The following GLIS3 variants were observed in gnomAD, a reference collection of about 807,000 sequenced individuals.
GLIS3 encodes GLIS family zinc finger 3.
In GLIS3, 53 loss-of-function variants were observed where a neutral mutation model predicts 78.6. That is an observed-to-expected ratio of 0.67 (90% CI 0.54 to 0.85). The LOEUF (loss-of-function observed/expected upper bound fraction) is 0.85. Among genes scored for constraint, GLIS3 ranks in the 40% least tolerant of loss-of-function variants. The pLI, the probability that GLIS3 is intolerant of heterozygous loss-of-function variation, is 0.00. For missense variants in GLIS3, 1,703 were observed against 1,231.1 expected, an observed-to-expected ratio of 1.38 and a Z score of -5.74; for synonymous variants, 684 against 509.9, an observed-to-expected ratio of 1.34 and a Z score of -4.60.
At chr9:4,431,045 C>G in the GLIS3 span, among the ~76,000 whole-genome samples, 1 of 152,220 alleles carries the variant, frequency 6.6e-6, no homozygotes, top group Non-Finnish European at 1.5e-5. Flanking sequence ...TCAGTTGAAT[C>G]CCAACCAAGT....
the GLIS3 span, among the ~76,000 whole-genome samples, chr9:4,402,666 A>C: frequency 2.0e-5 from 3 of 152,236 alleles, no homozygotes; most frequent in African/African-American, 7.2e-5. Context: ...CTAGAGTTGG[A>C]AAATGCAATT....
At chr9:4,485,738 C>T in the GLIS3 span, among the ~76,000 whole-genome samples, 19 of 139,578 alleles carry the variant, frequency 1.4e-4, no homozygotes, top group African/African-American at 3.0e-4. Flanking sequence ...TTTTTTGAGA[C>T]GGAGTTTTGT....
intron 2 of GLIS3, among the ~76,000 whole-genome samples, chr9:4,224,394 A>G (rs1821586613): frequency 6.6e-6 from 1 of 152,192 alleles, no homozygotes; most frequent in African/African-American, 2.4e-5. Flanking sequence ...AGGTGTATGA[A>G]TGTTTACCAT....
At chr9:3,832,203 TATATA>T (rs1818087323) in intron 9 of GLIS3, among the ~76,000 whole-genome samples, 1 of 149,524 alleles carries the variant, frequency 6.7e-6, no homozygotes, top group Admixed American at 6.7e-5. Context: ...AATTAGCATT[TATATA>T]ATATATAATT....
intron 7 of GLIS3, among the ~76,000 whole-genome samples, chr9:3,882,751 AGG>A (rs1455339156): frequency 6.6e-6 from 1 of 152,186 alleles, no homozygotes; most frequent in African/African-American, 2.4e-5. Flanking sequence ...AGAACAAGAA[AGG>A]GAGGGCTTTA....
chr9:3,838,044 A>G (rs1818463092), intron 9 of GLIS3, among the ~76,000 whole-genome samples: 1 of 152,006 alleles, frequency 6.6e-6, no homozygotes, highest in South Asian at 2.1e-4. Flanking sequence ...TTTCCACTAC[A>G]TTTTTCTGTG....
intron 4 of GLIS3, among the ~76,000 whole-genome samples, chr9:4,096,857 C>T (rs1345132565): frequency 6.6e-6 from 1 of 152,000 alleles, no homozygotes; most frequent in East Asian, 1.9e-4. Context: ...ACTAAAAATA[C>T]AGAAATTAAC....
chr9:4,072,846 T>A (rs145056391), intron 4 of GLIS3, among the ~76,000 whole-genome samples: 2 of 152,280 alleles, frequency 1.3e-5, no homozygotes, highest in African/African-American at 4.8e-5. Context: ...GTAATACACA[T>A]GAACAGCCTA....
intron 9 of GLIS3, among the ~76,000 whole-genome samples, chr9:3,845,166 AT>A (rs1379179285): frequency 1.3e-5 from 2 of 152,198 alleles, no homozygotes; most frequent in Non-Finnish European, 2.9e-5. Context: ...AATGAAAAAA[AT>A]GTTCATCAAT....
chr9:4,263,506 T>A (rs549362054), intron 2 of GLIS3, among the ~76,000 whole-genome samples: 1 of 74,430 alleles, frequency 1.3e-5, no homozygotes, highest in Non-Finnish European at 2.9e-5. Flanking sequence ...AAAGATTGCA[T>A]TGAGGCCAAA....
chr9:3,829,121 TG>T (rs1313612973), intron 10 of GLIS3, among the ~76,000 whole-genome samples, 188 bp downstream of exon 10: 2 of 151,196 alleles, frequency 1.3e-5, no homozygotes, highest in Admixed American at 1.3e-4. Flanking sequence ...TGCACCAGGG[TG>T]GTGGAAGAAG....
chr9:4,468,176 G>T, the GLIS3 span, among the ~76,000 whole-genome samples: 5 of 152,232 alleles, frequency 3.3e-5, no homozygotes, highest in Non-Finnish European at 7.3e-5. Context: ...ACCTGAAAGT[G>T]ACGGGCAGAG....
the GLIS3 span, among the ~76,000 whole-genome samples, chr9:4,482,794 A>G: frequency 5.9e-5 from 9 of 152,174 alleles, no homozygotes; most frequent in African/African-American, 1.9e-4. Flanking sequence ...TTAAAAAGGG[A>G]AAAAAATAAC....
chr9:4,416,252 T>TTTAAAAAAAAAAA, the GLIS3 span, among the ~76,000 whole-genome samples: 4 of 75,840 alleles, frequency 5.3e-5, 1 homozygote, highest in Admixed American at 1.8e-4. Context: ...ACACTGTTTT[T>TTTAAAAAAAAAAA]AAAAAAAAAA....
At chr9:4,134,263 G>C (rs988377517) in intron 2 of GLIS3, among the ~76,000 whole-genome samples, 2 of 152,132 alleles carry the variant, frequency 1.3e-5, no homozygotes, top group African/African-American at 4.8e-5. Context: ...GAGGCTCAAA[G>C]TTTCCCATTA....
At chr9:4,159,385 A>G (rs1835297131) in intron 2 of GLIS3, among the ~76,000 whole-genome samples, 1 of 152,196 alleles carries the variant, frequency 6.6e-6, no homozygotes, top group Non-Finnish European at 1.5e-5. Context: ...TAGGCTCTCA[A>G]TGCTGGAGAA....
intron 2 of GLIS3, among the ~76,000 whole-genome samples, chr9:4,215,563 G>A (rs1174493768): frequency 1.3e-5 from 2 of 152,148 alleles, no homozygotes; most frequent in Middle Eastern, 3.2e-3. Flanking sequence ...TTTTCCAAAT[G>A]TCCATCAAAA....
chr9:4,416,455 C>G, the GLIS3 span, among the ~76,000 whole-genome samples: 149,625 of 152,150 alleles, frequency 0.98, 73,627 homozygotes, highest in East Asian at 1. Context: ...GGAATATTGA[C>G]AAGTATCTTG....
chr9:4,299,050 C>T (rs1816876159), intron 1 of GLIS3, among the ~76,000 whole-genome samples: 1 of 152,226 alleles, frequency 6.6e-6, no homozygotes, highest in African/African-American at 2.4e-5. Flanking sequence ...CGTCCTGTAA[C>T]GTGCCCTGAT....
Sources: allele counts gnomAD v4.1 joint callset (sites outside exome capture counted in the v4.1 genomes callset), GRCh38; gene constraint gnomAD v4.1.1; transcripts MANE v1.5; gene names NCBI Gene and HGNC (gene_info 2026-07-23, HGNC 2026-07-21).